WSB2: variants seen among roughly 807,000 people sequenced by gnomAD.
The protein encoded by WSB2 is WD repeat and SOCS box containing 2, also known as WD repeat and SOCS box-containing protein 2.
In WSB2, 12 loss-of-function variants were observed where a neutral mutation model predicts 48.8. The ratio of observed to expected loss-of-function variants is 0.25; its 90% CI spans 0.16 to 0.40. The LOEUF (loss-of-function observed/expected upper bound fraction) is 0.40, where lower values mean the gene tolerates loss of function less well. Ranked by LOEUF, WSB2 falls within the 10% of genes least tolerant of loss-of-function variation. WSB2 has a pLI of 1.00. For synonymous variants in WSB2, 191 were observed against 203.1 expected, an observed-to-expected ratio of 0.94 and a Z score of 0.51; for missense variants, 317 against 506.2, an observed-to-expected ratio of 0.63 and a Z score of 3.59.
At chr12:118,038,203 G>A (rs962068310) in intron 5 of WSB2, 85 bp downstream of exon 5, 10 of 1,329,124 alleles carry the variant, frequency 7.5e-6, no homozygotes, top group Admixed American at 5.8e-5. Flanking sequence ...ATTTGCGGAC[G>A]ATTTTGAGAA....
intron 5 of WSB2, among the ~76,000 whole-genome samples, chr12:118,037,217 C>T (rs2031531797): frequency 6.6e-6 from 1 of 151,966 alleles, no homozygotes; most frequent in South Asian, 2.1e-4. Context: ...AATCTGCGGC[C>T]ACCCCACAAA....
At position 118,034,158 on chromosome 12, in the gene WSB2, T is replaced by C. The variant is rs1566134465; in HGVS notation, c.*38A>G. On this transcript the variant is annotated 3_prime_UTR_variant, in exon 9 of 9. Transcript: ENST00000315436. ...CCAGCAACTCCCTTTGACAGGACGA[T>C]TTACCCTGCTACAAAGAAGCACAAG... 6.2e-7 allele frequency: 1 copy of C among 1,612,712 alleles called. No individual in the cohort carries two copies. Among genetic ancestry groups the C allele is most frequent in the African/African-American group, 1.3e-5 (1 of 75,022 alleles).
At chr12:118,043,107 C>T in intron 3 of WSB2, 26 bp downstream of exon 3, 1 of 1,614,192 alleles carries the variant, frequency 6.2e-7, no homozygotes, top group South Asian at 1.1e-5. Flanking sequence ...CCTCCCAGAA[C>T]CTTGTGCCAG....
intron 5 of WSB2, among the ~76,000 whole-genome samples, 199 bp from the exon 6 acceptor site, chr12:118,036,709 A>G (rs1181656240): frequency 6.6e-6 from 1 of 152,190 alleles, no homozygotes; most frequent in Non-Finnish European, 1.5e-5. Flanking sequence ...GATTTAAAAC[A>G]ATGGGCATGC....
intron 1 of WSB2, among the ~76,000 whole-genome samples, chr12:118,055,402 G>T (rs1004328296): frequency 6.6e-6 from 1 of 152,114 alleles, no homozygotes; most frequent in African/African-American, 2.4e-5. Context: ...AGTATTAAAT[G>T]ACATTGACTG....
At chr12:118,041,145 C>A (rs907134158) in intron 4 of WSB2, among the ~76,000 whole-genome samples, 2 of 152,190 alleles carry the variant, frequency 1.3e-5, no homozygotes, top group African/African-American at 4.8e-5. Flanking sequence ...GTTTGTCTGA[C>A]AAGTTGCTAT....
At chr12:118,036,645 C>G in intron 5 of WSB2, 135 bp from the exon 6 acceptor site, 1 of 916,110 alleles carries the variant, frequency 1.1e-6, no homozygotes, top group South Asian at 1.8e-5. Context: ...TTCTACAGCT[C>G]TTCCAGAACG....
intron 4 of WSB2, among the ~76,000 whole-genome samples, chr12:118,040,511 A>T (rs560815214): frequency 6.6e-6 from 1 of 152,252 alleles, no homozygotes; most frequent in Non-Finnish European, 1.5e-5. Context: ...CTGTAATCCC[A>T]GCACTTTGGG....
At chr12:118,044,829 A>T (rs927614956) in intron 2 of WSB2, among the ~76,000 whole-genome samples, 1 of 152,180 alleles carries the variant, frequency 6.6e-6, no homozygotes. Context: ...GACCCTGACC[A>T]CACTCTGGTT....
At chr12:118,049,813 A>T (rs2031813941) in intron 2 of WSB2, among the ~76,000 whole-genome samples, 1 of 151,632 alleles carries the variant, frequency 6.6e-6, no homozygotes, top group Admixed American at 6.6e-5. Context: ...ATCTCAACAA[A>T]CTCCTGTCAA....
rs140815709 is a variant in WSB2 at position 118,058,617 on chromosome 12, G to T, written c.13+2419C>A. On this transcript the variant is annotated intron_variant, in intron 1 of 8. Coordinates refer to ENST00000315436, the MANE Select transcript of WSB2 (RefSeq NM_018639.5). ...TCTACCCAAGTTGGCCTCCCAAACTGCTGGGCCACTGCGCCTGGCACCATT... is the reference window on the plus strand; with the variant it reads ...TCTACCCAAGTTGGCCTCCCAAACTTCTGGGCCACTGCGCCTGGCACCATT... 6.7e-3 allele frequency among the ~76,000 whole-genome samples: 1,020 copies of T among 152,110 alleles called. 5 individuals carry two copies. The highest frequency in any genetic ancestry group is 0.051 in the Middle Eastern group (15 of 292).
At chr12:118,045,717 A>G (rs74521854) in intron 2 of WSB2, among the ~76,000 whole-genome samples, 7 of 146,816 alleles carry the variant, frequency 4.8e-5, no homozygotes, top group African/African-American at 1.9e-4. Flanking sequence ...TCTCAAAGAA[A>G]AAAAAAAAAA....
intron 1 of WSB2, among the ~76,000 whole-genome samples, chr12:118,054,084 T>C (rs763218507): frequency 2.0e-5 from 3 of 151,926 alleles, no homozygotes; most frequent in Admixed American, 6.6e-5. Flanking sequence ...ATTTATAAAA[T>C]ATTTTTGCCA....
In WSB2 at chr12:118,056,100, T is replaced by C. The variant is rs201745643; in HGVS notation, c.14-3622A>G. Among the ~76,000 whole-genome samples the C allele has an allele frequency of 1.1e-4, 16 of 152,182 alleles. No homozygotes were observed. The East Asian group carries it at 3.1e-3, about 29-fold the overall frequency. On this transcript the variant is annotated intron_variant, in intron 1 of 8. Coordinates refer to ENST00000315436, the MANE Select transcript of WSB2 (RefSeq NM_018639.5). ...TCCCCTCTAGCCCCGCACCATCGGT[T>C]CTCCTTGCCTCCAGAGTGGTCAGTT...
chr12:118,039,448 A>G (rs546566168), intron 4 of WSB2, among the ~76,000 whole-genome samples: 6 of 152,324 alleles, frequency 3.9e-5, no homozygotes, highest in African/African-American at 1.2e-4. Context: ...AAGATGTATG[A>G]TTCCATTTTT....
intron 4 of WSB2, among the ~76,000 whole-genome samples, chr12:118,040,956 C>T (rs1202513300): frequency 6.6e-6 from 1 of 152,286 alleles, no homozygotes; most frequent in African/African-American, 2.4e-5. Context: ...GGCTGAGACA[C>T]AAGAATGACT....
intron 2 of WSB2, among the ~76,000 whole-genome samples, chr12:118,045,088 T>G (rs1031053419): frequency 2.0e-5 from 3 of 152,114 alleles, no homozygotes; most frequent in African/African-American, 7.2e-5. Flanking sequence ...ACAAAAGAAT[T>G]TTAACTGGCC....
At chr12:118,061,937 A>G (rs1345968379), upstream of WSB2, among the ~76,000 whole-genome samples, 1 of 147,856 alleles carries the variant, frequency 6.8e-6, no homozygotes, top group Non-Finnish European at 1.5e-5. Flanking sequence ...AGGCTAGGGT[A>G]AAACAAGGGG....
intron 1 of WSB2, among the ~76,000 whole-genome samples, chr12:118,055,510 G>GATTCA (rs1259515994): frequency 6.6e-6 from 1 of 151,356 alleles, no homozygotes; most frequent in Non-Finnish European, 1.5e-5. Context: ...AGAATTGCTT[G>GATTCA]AGACCAGGAA....
Sources: allele counts gnomAD v4.1 joint callset (sites outside exome capture counted in the v4.1 genomes callset), GRCh38; gene constraint gnomAD v4.1.1; transcripts MANE v1.5; gene names NCBI Gene and HGNC (gene_info 2026-07-23, HGNC 2026-07-21).